ADGRV1: variants seen among roughly 807,000 people sequenced by gnomAD.
The protein encoded by ADGRV1 is adhesion G protein-coupled receptor V1.
Under a neutral mutation model 596.2 loss-of-function variants are expected in ADGRV1, and 359 were observed. The ratio of observed to expected loss-of-function variants is 0.60; its 90% CI spans 0.55 to 0.66. ADGRV1 has a LOEUF of 0.66. Ranked by LOEUF, ADGRV1 falls within the 30% of genes least tolerant of loss-of-function variation. ADGRV1 has a pLI of 0.00. For missense variants in ADGRV1, 7,274 were observed against 7,575.6 expected (o/e 0.96, Z 1.48); for synonymous variants, 2,681 against 2,679.2 (o/e 1.00, Z -0.02).
chr5:90,875,855 AAGAT>A (rs1419540889), intron 83 of ADGRV1, among the ~76,000 whole-genome samples: 2 of 152,228 alleles, frequency 1.3e-5, no homozygotes, highest in Admixed American at 6.5e-5. Context: ...TAGATACTCC[AAGAT>A]AGATAATAAC....
At chr5:90,867,885 T>C (rs1768279289) in intron 83 of ADGRV1, among the ~76,000 whole-genome samples, 1 of 152,222 alleles carries the variant, frequency 6.6e-6, no homozygotes, top group Admixed American at 6.6e-5. Context: ...TTATTTCTAC[T>C]TTTTTGCTGA....
At chr5:91,124,495 T>A (rs554716957) in intron 87 of ADGRV1, among the ~76,000 whole-genome samples, 1 of 152,332 alleles carries the variant, frequency 6.6e-6, no homozygotes, top group South Asian at 2.1e-4. Context: ...TTGCCTAACA[T>A]CACTTACCAA....
intron 1 of ADGRV1, among the ~76,000 whole-genome samples, chr5:90,600,050 A>G (rs1761208460): frequency 6.6e-6 from 1 of 152,206 alleles, no homozygotes; most frequent in Admixed American, 6.5e-5. Flanking sequence ...TAGTGACAAT[A>G]GATAATATGA....
At chr5:91,159,996 C>T (rs753006788) in intron 89 of ADGRV1, among the ~76,000 whole-genome samples, 1 of 152,208 alleles carries the variant, frequency 6.6e-6, no homozygotes, top group Non-Finnish European at 1.5e-5. Context: ...AGTCTTTCTT[C>T]AGCGAGGGCT....
chr5:90,926,582 C>G (rs1166110138), intron 83 of ADGRV1, among the ~76,000 whole-genome samples: 1 of 151,782 alleles, frequency 6.6e-6, no homozygotes, highest in Non-Finnish European at 1.5e-5. Context: ...TTCAAAAAAC[C>G]AGCTCCTGGA....
chr5:91,092,423 A>G (rs73187190), intron 86 of ADGRV1, among the ~76,000 whole-genome samples: 6,955 of 152,202 alleles, frequency 0.046, 213 homozygotes, highest in East Asian at 0.15. Context: ...TAAGTTGGTT[A>G]GTCAGGAAGT....
chr5:91,036,823 A>G (rs1784954647), intron 85 of ADGRV1, among the ~76,000 whole-genome samples: 1 of 152,208 alleles, frequency 6.6e-6, no homozygotes, highest in Non-Finnish European at 1.5e-5. Flanking sequence ...CTTATACCTC[A>G]GATTAAGAAT....
chr5:91,158,824 C>G (rs1234323462), intron 89 of ADGRV1, among the ~76,000 whole-genome samples: 2 of 150,840 alleles, frequency 1.3e-5, no homozygotes, highest in African/African-American at 4.9e-5. Context: ...AGTTGATGCT[C>G]CATATTGGAT....
chr5:90,807,777 G>C (rs1249701686), intron 73 of ADGRV1, 40 bp downstream of exon 73: 10 of 1,466,506 alleles, frequency 6.8e-6, no homozygotes, highest in Non-Finnish European at 9.1e-6. Context: ...ATTCTCTGAG[G>C]AATAATCTGG....
chr5:90,844,834 T>C (rs1201259700), intron 78 of ADGRV1, among the ~76,000 whole-genome samples: 1 of 152,198 alleles, frequency 6.6e-6, no homozygotes, highest in Non-Finnish European at 1.5e-5. Context: ...TTGATTCAGG[T>C]CTTCTACTTG....
At chr5:90,983,618 C>T (rs1027680625) in intron 84 of ADGRV1, among the ~76,000 whole-genome samples, 2 of 152,130 alleles carry the variant, frequency 1.3e-5, no homozygotes, top group African/African-American at 4.8e-5. Context: ...ACACTTTACA[C>T]AACCCCGCTT....
At chr5:90,993,305 C>T (rs957225158) in intron 85 of ADGRV1, among the ~76,000 whole-genome samples, 1 of 151,946 alleles carries the variant, frequency 6.6e-6, no homozygotes, top group African/African-American at 2.4e-5. Context: ...ACTATAGGTA[C>T]GCACCACCAT....
At chr5:90,965,601 CT>C (rs1167036495) in intron 84 of ADGRV1, 70 bp downstream of exon 84, 10 of 798,910 alleles carry the variant, frequency 1.3e-5, no homozygotes, top group Non-Finnish European at 1.9e-5. Flanking sequence ...GTCTTAATGT[CT>C]GATACTCTGT....
rs201269639 is a variant in ADGRV1 at position 90,750,615 on chromosome 5, G to A, written c.11039G>A (p.Arg3680His). The A allele has an allele frequency of 6.2e-6, 10 of 1,612,122 alleles. No individual in the cohort carries two copies. Among genetic ancestry groups the A allele is most frequent in the East Asian group, 2.2e-5 (1 of 44,810 alleles). ...AGCCTAGTAACCTTGAACGTTGAAC[G>A]CTTAAAAGGAACATATGGCCGTATA... ...QDSLVTLNVE[R>H]LKGTYGRITI... Residue 3680 changes from arginine to histidine, a missense_variant, in exon 53 of 90, where the codon CGC becomes CAC. Physicochemically the swap from Arg to His is conservative, Grantham distance 29 (BLOSUM62 0). Transcript: ENST00000405460.
At chr5:90,595,523 G>C (rs1219306373) in intron 1 of ADGRV1, among the ~76,000 whole-genome samples, 1 of 116,646 alleles carries the variant, frequency 8.6e-6, no homozygotes, top group African/African-American at 3.7e-5. Flanking sequence ...GGGCAGAGGC[G>C]CCCCTCACCT....
At chr5:90,792,873 C>T (rs1386125253) in intron 70 of ADGRV1, 1 of 152,252 alleles carries the variant, frequency 6.6e-6, no homozygotes, top group East Asian at 1.9e-4. Flanking sequence ...GGCACAGTCA[C>T]ACTCACACCC....
At position 90,725,086 on chromosome 5, in the gene ADGRV1, G is replaced by C; in HGVS notation, c.9907G>C (p.Asp3303His). The C allele has an allele frequency of 6.5e-7, 1 of 1,537,548 alleles. No individual in the cohort carries two copies. Among genetic ancestry groups the C allele is most frequent in the East Asian group, 2.3e-5 (1 of 44,146 alleles). ...RWQGIFIPVEDLNIENPKTCE... is the reference protein window; with the variant it reads ...RWQGIFIPVEHLNIENPKTCE... ...TGTATTCTTATTCCTCATTTTCTAGGATTTAAATATAGAAAATCCTAAAAC... is the reference window on the plus strand; with the variant it reads ...TGTATTCTTATTCCTCATTTTCTAGCATTTAAATATAGAAAATCCTAAAAC... Residue 3303 changes from aspartate (D) to histidine (H), a missense_variant and splice_region_variant, in exon 47 of 90, where the codon GAT (aspartate) becomes CAT (histidine). Asp to His is a moderately conservative substitution (Grantham distance 81). Around this residue, in one of 5 missense-constraint regions of ADGRV1, gnomAD observed 3,643 missense variants for 3,809.2 expected, o/e 0.96. Transcript: ENST00000405460.
At chr5:91,057,589 C>G (rs1231592496) in intron 85 of ADGRV1, among the ~76,000 whole-genome samples, 2 of 152,170 alleles carry the variant, frequency 1.3e-5, no homozygotes, top group African/African-American at 2.4e-5. Context: ...TTTCACTGCC[C>G]TGAAATCCTG....
At chr5:91,161,225 C>T (rs112128629) in intron 89 of ADGRV1, among the ~76,000 whole-genome samples, 4,600 of 152,290 alleles carry the variant, frequency 0.03, 225 homozygotes, top group African/African-American at 0.1. Flanking sequence ...CACTGTCTCG[C>T]CAGTTCACTG....
Sources: gnomAD v4.1 joint callset for allele counts (sites outside exome capture counted in the v4.1 genomes callset) on GRCh38, gnomAD v4.1.1 for gene constraint, gnomAD v4.1.1 regional missense constraint, MANE v1.5 for transcripts, NCBI Gene and HGNC (gene_info 2026-07-23, HGNC 2026-07-21) for gene names.